The following ADAM10 variants were observed in gnomAD, a reference collection of about 807,000 sequenced individuals.
ADAM10 encodes the protein ADAM metallopeptidase domain 10, also known as disintegrin and metalloproteinase domain-containing protein 10.
In ADAM10, 17 loss-of-function variants were observed where a neutral mutation model predicts 90.1. The ratio of observed to expected loss-of-function variants is 0.19; its 90% CI spans 0.13 to 0.28. The LOEUF (loss-of-function observed/expected upper bound fraction) is 0.28. ADAM10 is among the 10% of genes least tolerant of loss of function. ADAM10 has a pLI of 1.00. For missense variants in ADAM10, 610 were observed against 914.3 expected, an observed-to-expected ratio of 0.67 and a Z score of 4.29; for synonymous variants, 310 against 298.6, an observed-to-expected ratio of 1.04 and a Z score of -0.40.
intron 5 of ADAM10, among the ~76,000 whole-genome samples, chr15:58,658,272 G>C (rs1896881939): frequency 1.3e-5 from 2 of 152,034 alleles, no homozygotes; most frequent in Middle Eastern, 3.4e-3. Context: ...TGAAAAGACT[G>C]TTCTTTCCTC....
chr15:58,714,260 C>CA (rs1373409659), intron 2 of ADAM10, among the ~76,000 whole-genome samples: 3 of 150,318 alleles, frequency 2.0e-5, no homozygotes, highest in East Asian at 3.9e-4. Flanking sequence ...ATAAAAACCA[C>CA]AAAAAATTAC....
chr15:58,672,343 T>C (rs1354096785), intron 4 of ADAM10: 1 of 157,614 alleles, frequency 6.3e-6, no homozygotes, highest in Non-Finnish European at 1.4e-5. Flanking sequence ...AAGGTCATCA[T>C]ATGCATTCTT....
chr15:58,648,798 T>C (rs1195061014), intron 5 of ADAM10, among the ~76,000 whole-genome samples: 3 of 152,158 alleles, frequency 2.0e-5, no homozygotes, highest in African/African-American at 7.2e-5. Flanking sequence ...TATAACATAA[T>C]GGAGAACTAA....
Position 58,597,087 on chromosome 15 carries a change from T to C in ADAM10, c.*460A>G, listed in dbSNP as rs200242211. On this transcript the variant is annotated 3_prime_UTR_variant, in exon 16 of 16. Transcript: ENST00000260408. ...AAGTACAGTGTACGTAAGAAATACATGTCTGCATATAACAAGGTATGTACA... is the reference window on the plus strand; with the variant it reads ...AAGTACAGTGTACGTAAGAAATACACGTCTGCATATAACAAGGTATGTACA... The C allele has an allele frequency of 3.4e-5, 10 of 296,190 alleles. No homozygotes were observed. Among genetic ancestry groups the C allele is most frequent in the Non-Finnish European group, 6.4e-5 (10 of 155,344 alleles). 18.3% of individuals were successfully genotyped at this position (296,190 alleles called of 1,614,324 possible). A position where few individuals can be genotyped will look rare whatever the true frequency, so the allele number is the denominator to read the frequency against.
chr15:58,749,537 T>TCCGCTG lies in ADAM10; in HGVS notation c.-9_-4dup, dbSNP rs571621608. 819 of 1,552,050 alleles carry TCCGCTG rather than the reference T, an allele frequency of 5.3e-4. 7 individuals are homozygous for TCCGCTG. In the African/African-American group the frequency reaches 9.5e-3, roughly 18 times the overall value. ...ATTAACACTCTCAGCAACACCATCTTCCGCTGCCGCTGCCGCCGCCGCCGC... is the reference window on the plus strand; with the variant it reads ...ATTAACACTCTCAGCAACACCATCTTCCGCTGCCGCTGCCGCTGCCGCCGCCGCCGC... On this transcript the variant is annotated 5_prime_UTR_variant, in exon 1 of 16. Coordinates refer to ENST00000260408, the MANE Select transcript of ADAM10 (RefSeq NM_001110.4).
intron 1 of ADAM10, among the ~76,000 whole-genome samples, chr15:58,719,663 G>A (rs2140819265): frequency 6.6e-6 from 1 of 152,248 alleles, no homozygotes; most frequent in South Asian, 2.1e-4. Flanking sequence ...TAACACTACT[G>A]AAGTGTATAC....
intron 8 of ADAM10, 89 bp downstream of exon 8, chr15:58,640,688 T>A: frequency 7.9e-7 from 1 of 1,268,450 alleles, no homozygotes; most frequent in South Asian, 1.3e-5. Context: ...AGGCATCACT[T>A]TCTCCTATAC....
At chr15:58,609,736 T>C (rs1895385093) in intron 14 of ADAM10, 1 of 155,704 alleles carries the variant, frequency 6.4e-6, no homozygotes, top group African/African-American at 2.4e-5. Flanking sequence ...AAACATCAGG[T>C]AATTCTGTGT....
At chr15:58,644,241 T>G (rs1485910270) in intron 6 of ADAM10, among the ~76,000 whole-genome samples, 4 of 151,626 alleles carry the variant, frequency 2.6e-5, no homozygotes, top group African/African-American at 4.8e-5. Flanking sequence ...TTTGTTTTTT[T>G]TTTTGGAGAC....
intron 11 of ADAM10, among the ~76,000 whole-genome samples, chr15:58,617,903 A>G (rs1192760373): frequency 1.3e-5 from 2 of 152,020 alleles, no homozygotes; most frequent in Non-Finnish European, 2.9e-5. Flanking sequence ...AAGTCAAAAA[A>G]AAAAAAAAAC....
intron 1 of ADAM10, among the ~76,000 whole-genome samples, chr15:58,736,196 T>C (rs1899425300): frequency 6.6e-6 from 1 of 152,198 alleles, no homozygotes; most frequent in African/African-American, 2.4e-5. Flanking sequence ...GCTATGTTAT[T>C]GTGCTATTAT....
intron 14 of ADAM10, among the ~76,000 whole-genome samples, chr15:58,607,015 T>C (rs956767084): frequency 2.0e-5 from 3 of 152,270 alleles, no homozygotes; most frequent in Non-Finnish European, 4.4e-5. Context: ...ATACTGAAAT[T>C]TGAATTTCAT....
chr15:58,596,794 T>C lies in ADAM10; in HGVS notation c.*753A>G, dbSNP rs1313062373. 1 of 153,412 alleles carries C rather than the reference T, an allele frequency of 6.5e-6. No homozygotes were observed. Among genetic ancestry groups the C allele is most frequent in the Non-Finnish European group, 1.5e-5 (1 of 68,910 alleles). The allele number at this position is 153,412 out of a possible 1,614,324, so 9.5% of individuals were successfully genotyped here. A position where few individuals can be genotyped will look rare whatever the true frequency, so the allele number is the denominator to read the frequency against. On this transcript the variant is annotated 3_prime_UTR_variant, in exon 16 of 16. Coordinates refer to ENST00000260408, the MANE Select transcript of ADAM10 (RefSeq NM_001110.4). The stretch of plus-strand genomic sequence containing the variant: ...CCAGTTTGCACAACACTTAACTGTG[T>C]TCTTCAGTATAGTCACTTGTGCCCG...
At chr15:58,693,355 A>T (rs1897884576) in intron 2 of ADAM10, among the ~76,000 whole-genome samples, 1 of 152,206 alleles carries the variant, frequency 6.6e-6, no homozygotes. Flanking sequence ...TCGTAAATGG[A>T]CCTTGCTTAG....
At chr15:58,625,351 T>C (rs961007492) in intron 10 of ADAM10, among the ~76,000 whole-genome samples, 26 of 151,988 alleles carry the variant, frequency 1.7e-4, no homozygotes, top group African/African-American at 6.0e-4. Flanking sequence ...CCAAAAAACA[T>C]GGACAGACAT....
intron 8 of ADAM10, among the ~76,000 whole-genome samples, chr15:58,636,916 G>A (rs1270035422): frequency 6.6e-6 from 1 of 152,172 alleles, no homozygotes; most frequent in African/African-American, 2.4e-5. Context: ...AAATGTGAGA[G>A]CACAGGCATT....
At chr15:58,602,770 T>C (rs1174827858) in intron 14 of ADAM10, among the ~76,000 whole-genome samples, 1 of 152,192 alleles carries the variant, frequency 6.6e-6, no homozygotes, top group East Asian at 1.9e-4. Flanking sequence ...TTCTCTTTAT[T>C]TTCATGTTTA....
At chr15:58,705,995 T>C (rs1405031421) in intron 2 of ADAM10, among the ~76,000 whole-genome samples, 3 of 152,232 alleles carry the variant, frequency 2.0e-5, no homozygotes, top group Non-Finnish European at 2.9e-5. Context: ...TTTAGTACCA[T>C]CCACAGTTTC....
chr15:58,724,833 A>G (rs1898976247), intron 1 of ADAM10, among the ~76,000 whole-genome samples: 1 of 152,230 alleles, frequency 6.6e-6, no homozygotes, highest in African/African-American at 2.4e-5. Context: ...GAGAAGAAAG[A>G]CCTTGTAATG....
Sources: allele counts gnomAD v4.1 joint callset (sites outside exome capture counted in the v4.1 genomes callset), GRCh38; gene constraint gnomAD v4.1.1; transcripts MANE v1.5; gene names NCBI Gene and HGNC (gene_info 2026-07-23, HGNC 2026-07-21).